INSR: variants seen among roughly 807,000 people sequenced by gnomAD.
INSR encodes IR.
INSR carries 67 observed loss-of-function variants against 142.6 expected under a neutral mutation model. The ratio of observed to expected loss-of-function variants is 0.47; its 90% confidence interval spans 0.39 to 0.58. The LOEUF (loss-of-function observed/expected upper bound fraction) is 0.58. Ranked by LOEUF, INSR falls within the 20% of genes least tolerant of loss-of-function variation. The pLI is 0.00. For missense variants in INSR, 1,248 were observed against 1,833.2 expected, an observed-to-expected ratio of 0.68 and a Z score of 5.83; for synonymous variants, 756 against 743.1, an observed-to-expected ratio of 1.02 and a Z score of -0.28.
chr19:7,131,803 A>G (rs912163873), intron 14 of INSR, among the ~76,000 whole-genome samples: 12 of 146,948 alleles, frequency 8.2e-5, no homozygotes, highest in Non-Finnish European at 1.6e-4. Context: ...GTTTGAGACC[A>G]GCCTGGCCAA....
Position 7,150,054 on chromosome 19 carries a change from G to T in INSR, c.2267+443C>A, listed in dbSNP as rs1973295711. Among the ~76,000 whole-genome samples, 1 of 152,090 alleles carries T rather than the reference G, an allele frequency of 6.6e-6. No homozygotes were observed. The highest frequency in any genetic ancestry group is 1.5e-5 in the Non-Finnish European group (1 of 68,022). On this transcript the variant is annotated intron_variant, in intron 11 of 21. Transcript: ENST00000302850. The surrounding 1 kb of genome is among the most constrained non-coding windows in gnomAD (Gnocchi z 4.2). ...GGTGTTCTTTTGTTCATACCCTGTCGCCCTTTCATGAAAATATTCTGTTTC... is the reference window on the plus strand; with the variant it reads ...GGTGTTCTTTTGTTCATACCCTGTCTCCCTTTCATGAAAATATTCTGTTTC...
chr19:7,168,899 C>A lies in INSR; in HGVS notation c.1484-805G>T, dbSNP rs1973948443. The stretch of plus-strand genomic sequence containing the variant: ...GATTCCAGGCGTGAGCCACCATGCC[C>A]AGCCCTTGCACTACATTTTGACATA... On this transcript the variant is annotated intron_variant, in intron 6 of 21. Coordinates refer to ENST00000302850, the MANE Select transcript of INSR (RefSeq NM_000208.4). This position sits in a 1 kb window ranked among gnomAD's most constrained non-coding sequence, Gnocchi z 4.3. Among the ~76,000 whole-genome samples, 2 of 152,164 alleles carry A rather than the reference C, an allele frequency of 1.3e-5. No homozygotes were observed.
At chr19:7,236,093 C>T (rs961228565) in intron 2 of INSR, among the ~76,000 whole-genome samples, 7 of 151,198 alleles carry the variant, frequency 4.6e-5, no homozygotes, top group Non-Finnish European at 1.0e-4. Context: ...CCCACCATAG[C>T]TTGGATTATA....
At chr19:7,206,689 G>C (rs372950767) in intron 2 of INSR, among the ~76,000 whole-genome samples, 1 of 152,122 alleles carries the variant, frequency 6.6e-6, no homozygotes, top group Non-Finnish European at 1.5e-5. Context: ...GGAGGAGGAG[G>C]TTTCAGTGAA....
chr19:7,206,604 T>C (rs907180188), intron 2 of INSR, among the ~76,000 whole-genome samples: 7 of 152,146 alleles, frequency 4.6e-5, no homozygotes, highest in Non-Finnish European at 7.3e-5. Context: ...ACGCTCTTTA[T>C]GAGAATCTAA....
chr19:7,279,003 C>T (rs900502467), intron 1 of INSR, among the ~76,000 whole-genome samples: 1 of 152,090 alleles, frequency 6.6e-6, no homozygotes, highest in East Asian at 1.9e-4. Context: ...GTGGTGCACA[C>T]CTGTAATCCC....
At chr19:7,179,426 C>T (rs1297076762) in intron 3 of INSR, among the ~76,000 whole-genome samples, 1 of 152,202 alleles carries the variant, frequency 6.6e-6, no homozygotes, top group South Asian at 2.1e-4. Context: ...GGTGTCAGAA[C>T]GGTGTTGCAA....
At chr19:7,282,214 A>C (rs1337383100) in intron 1 of INSR, among the ~76,000 whole-genome samples, 1 of 151,810 alleles carries the variant, frequency 6.6e-6, no homozygotes, top group Non-Finnish European at 1.5e-5. Flanking sequence ...AAAATACAAA[A>C]ATTAGCTGGG....
At chr19:7,277,132 G>A (rs2145229379) in intron 1 of INSR, among the ~76,000 whole-genome samples, 1 of 152,202 alleles carries the variant, frequency 6.6e-6, no homozygotes, top group East Asian at 1.9e-4. Flanking sequence ...TCCCATCTGA[G>A]CCAGATGGAA....
chr19:7,253,228 A>ATTTG (rs1382375729), intron 2 of INSR, among the ~76,000 whole-genome samples: 1 of 111,294 alleles, frequency 9.0e-6, no homozygotes, highest in African/African-American at 3.1e-5. Flanking sequence ...TTATTTATTT[A>ATTTG]TTTGTTTATT....
At chr19:7,286,023 C>A (rs1390190088) in intron 1 of INSR, among the ~76,000 whole-genome samples, 1 of 152,154 alleles carries the variant, frequency 6.6e-6, no homozygotes, top group African/African-American at 2.4e-5. Context: ...CTATGTCACC[C>A]AGGCTGGATG....
At chr19:7,213,531 A>G (rs1043028359) in intron 2 of INSR, among the ~76,000 whole-genome samples, 1 of 152,160 alleles carries the variant, frequency 6.6e-6, no homozygotes, top group African/African-American at 2.4e-5. Context: ...CAGAGGGATA[A>G]TTTATGCAAC....
At chr19:7,240,090 T>C (rs1266415022) in intron 2 of INSR, among the ~76,000 whole-genome samples, 2 of 152,178 alleles carry the variant, frequency 1.3e-5, no homozygotes, top group Non-Finnish European at 2.9e-5. Flanking sequence ...AGAACTGAAA[T>C]GTGCTTTACG....
At chr19:7,183,617 G>A (rs1466058155) in intron 3 of INSR, among the ~76,000 whole-genome samples, 1 of 152,138 alleles carries the variant, frequency 6.6e-6, no homozygotes, top group Non-Finnish European at 1.5e-5. Flanking sequence ...GGGAAGACAC[G>A]AAAGACCTTG....
At chr19:7,235,990 T>TTTTA (rs34064539) in intron 2 of INSR, among the ~76,000 whole-genome samples, 1 of 139,716 alleles carries the variant, frequency 7.2e-6, no homozygotes, top group African/African-American at 2.5e-5. Flanking sequence ...TTTTTTTTTT[T>TTTTA]AAAGACAGAG....
chr19:7,165,152 A>C (rs1973862846), intron 8 of INSR, among the ~76,000 whole-genome samples: 1 of 132,452 alleles, frequency 7.5e-6, no homozygotes, highest in Non-Finnish European at 1.7e-5. Flanking sequence ...CAAAACAAAA[A>C]TTAGCCAAGT....
Position 7,174,623 on chromosome 19 carries a change from G to A in INSR, c.1083C>T (p.Thr361=), listed in dbSNP as rs772597636. 3 of 1,613,976 alleles carry A rather than the reference G, an allele frequency of 1.9e-6. No homozygotes were observed. Among genetic ancestry groups the A allele is most frequent in the East Asian group, 2.2e-5 (1 of 44,862 alleles). ...VTSAQELRGC[T]VINGSLIINI... is the part of the protein sequence containing the mutation. ...TGATGATCAGACTCCCGTTGATGAC[G>A]GTGCATCCTCGGAGCTCCTGGGCAG... Residue 361 remains threonine, a synonymous_variant, in exon 4 of 22, where the codon ACC becomes ACT. Coordinates refer to ENST00000302850, the MANE Select transcript of INSR (RefSeq NM_000208.4).
intron 1 of INSR, among the ~76,000 whole-genome samples, chr19:7,272,063 G>T (rs551415162): frequency 1.3e-5 from 2 of 152,082 alleles, no homozygotes; most frequent in African/African-American, 4.8e-5. Flanking sequence ...CCAGCACTGC[G>T]GGAGGCCGAG....
At position 7,246,500 on chromosome 19, in the gene INSR, GAGAGAAAAGAGCCTGTGTT is replaced by G. The variant is rs1976540693; in HGVS notation, c.652+20826_652+20844del. On this transcript the variant is annotated intron_variant, in intron 2 of 21. Coordinates refer to ENST00000302850, the MANE Select transcript of INSR (RefSeq NM_000208.4). ...ACCCACTGGTTGATCCCAGACATGA[GAGAGAAAAGAGCCTGTGTT>G]TGTGGTCAGCTGGTGGGTCTAAACA... Among the ~76,000 whole-genome samples, 3 of 152,202 alleles carry G rather than the reference GAGAGAAAAGAGCCTGTGTT, an allele frequency of 2.0e-5. No individual in the cohort carries two copies. The South Asian group carries it at 6.2e-4, about 31-fold the overall frequency.
Sources: allele counts gnomAD v4.1 joint callset (sites outside exome capture counted in the v4.1 genomes callset), GRCh38; gene constraint gnomAD v4.1.1; non-coding constraint Gnocchi (gnomAD v3.1); transcripts MANE v1.5; gene names NCBI Gene and HGNC (gene_info 2026-07-23, HGNC 2026-07-21).